Variants in CEP250 observed in about 807,000 individuals in gnomAD.
The protein encoded by CEP250 is centrosomal protein 250.
Under a neutral mutation model 315.7 loss-of-function variants are expected in CEP250, and 242 were observed. The observed-to-expected ratio is 0.77, with a 90% CI of 0.69 to 0.85. The LOEUF is 0.85. CEP250 is among the 40% of genes least tolerant of loss of function. The pLI, the probability that CEP250 is intolerant of heterozygous loss-of-function variation, is 0.00. For synonymous variants in CEP250, 1,088 were observed against 1,175.0 expected (o/e 0.93, Z 1.51); for missense variants, 2,515 against 2,886.4 (o/e 0.87, Z 2.95).
At chr20:35,475,073 A>G (rs1483183173) in intron 14 of CEP250, among the ~76,000 whole-genome samples, 1 of 152,168 alleles carries the variant, frequency 6.6e-6, no homozygotes, top group African/African-American at 2.4e-5. Context: ...ATGTGGTGGC[A>G]TGTGCCTGTA....
rs2146881835 is a variant in CEP250, at chr20:35,479,635, G to A, written c.2289-11G>A. ...TGGGTAAGAAACTCTTCTGATTCCT[G>A]AACCTCACAGCTCAGCCAAGGAGCT... On this transcript the variant is annotated splice_polypyrimidine_tract_variant and intron_variant, in intron 18 of 34. Transcript: ENST00000397527. 1.2e-6 allele frequency: 2 copies of A among 1,613,926 alleles called. No individual in the cohort carries two copies. Among genetic ancestry groups the A allele is most frequent in the East Asian group, 2.2e-5 (1 of 44,884 alleles).
intron 20 of CEP250, among the ~76,000 whole-genome samples, chr20:35,484,805 T>C (rs758955205): frequency 1.6e-4 from 25 of 152,204 alleles, no homozygotes; most frequent in Non-Finnish European, 3.2e-4. Flanking sequence ...GTTACAATTA[T>C]CTAACTTTGC....
rs1171280984 is a variant in CEP250 at position 35,490,765 on chromosome 20, GGAA to G, written c.2722_2724del (p.Glu908del). The G allele has an allele frequency of 8.1e-6, 13 of 1,613,566 alleles. No homozygotes were observed. Among genetic ancestry groups the G allele is most frequent in the East Asian group, 2.2e-5 (1 of 44,886 alleles). Reference sequence around the variant, plus strand: ...AAATGGAGGCCATCCAGGCCCAGAGGGAAGAAGAACGGACCCAGGCAGAGAGTG... The same window carrying G: ...AAATGGAGGCCATCCAGGCCCAGAGGGAAGAACGGACCCAGGCAGAGAGTG... On this transcript the variant is annotated inframe_deletion, in exon 21 of 35. Coordinates refer to ENST00000397527, the MANE Select transcript of CEP250 (RefSeq NM_007186.6).
chr20:35,458,173 C>G lies in CEP250; in HGVS notation c.-297-131C>G, dbSNP rs146372077. On this transcript the variant is annotated intron_variant, in intron 1 of 34. Transcript: ENST00000397527. ...ATCTTAGTCCTTGTAGCATTTATGC[C>G]TCTATTCCAAGTTTAGGTGGTAGTG... 444 of 152,248 alleles carry G rather than the reference C, an allele frequency of 2.9e-3. 1 individual carries two copies. Among genetic ancestry groups the G allele is most frequent in the African/African-American group, 9.9e-3 (411 of 41,536 alleles). The allele number at this position is 152,248 out of a possible 1,614,324, so 9.4% of individuals were successfully genotyped here.
chr20:35,462,174 G>C, intron 3 of CEP250, 91 bp from the exon 4 acceptor site: 1 of 480,770 alleles, frequency 2.1e-6, no homozygotes, highest in South Asian at 3.8e-5. Flanking sequence ...TCAGAGATGA[G>C]GGTCCCTTTT....
At chr20:35,473,808 C>T in intron 13 of CEP250, 62 bp from the exon 14 acceptor site, 1 of 1,461,810 alleles carries the variant, frequency 6.8e-7, no homozygotes, top group South Asian at 1.3e-5. Context: ...CCTGTGATGC[C>T]TGCTTCCAGA....
intron 18 of CEP250, 36 bp from the exon 19 acceptor site, chr20:35,479,610 T>C (rs2063282703): frequency 3.1e-6 from 5 of 1,610,772 alleles, no homozygotes; most frequent in Non-Finnish European, 4.2e-6. Flanking sequence ...AGGGGCTTGA[T>C]GGGTAAGAAA....
intron 1 of CEP250, among the ~76,000 whole-genome samples, chr20:35,456,704 G>C (rs371307654): frequency 1.3e-4 from 20 of 152,194 alleles, no homozygotes; most frequent in African/African-American, 4.3e-4. Flanking sequence ...ATGTAATGGA[G>C]AGAGTGTAGA....
intron 8 of CEP250, 35 bp downstream of exon 8, chr20:35,467,107 C>T (rs2062899699): frequency 2.0e-6 from 3 of 1,489,714 alleles, no homozygotes; most frequent in African/African-American, 2.8e-5. Flanking sequence ...GAGGTTTGCC[C>T]CTACCAATTC....
intron 2 of CEP250, among the ~76,000 whole-genome samples, chr20:35,459,775 C>G (rs2062714592): frequency 1.3e-5 from 2 of 152,030 alleles, no homozygotes; most frequent in African/African-American, 2.4e-5. Flanking sequence ...GATCCTTTCT[C>G]TAAAAATAAT....
chr20:35,514,930 AAAG>A lies in CEP250; in HGVS notation c.*3305_*3307del, dbSNP rs2147259223. 6.6e-6 allele frequency: 1 copy of A among 152,286 alleles called. No individual in the cohort carries two copies. Among genetic ancestry groups the A allele is most frequent in the African/African-American group, 2.4e-5 (1 of 41,550 alleles). The allele number at this position is 152,286 out of a possible 1,614,324, so 9.4% of individuals were successfully genotyped here. A position where few individuals can be genotyped will look rare whatever the true frequency, so the allele number is the denominator to read the frequency against. On this transcript the variant is annotated 3_prime_UTR_variant, in exon 35 of 35. Transcript: ENST00000397527. Reference sequence around the variant, plus strand: ...GAGTTCTGTTGTCCACGTTATTCTTAAAGCCCAGAATAGGCCCTGTTTTATTCT... The same window carrying A: ...GAGTTCTGTTGTCCACGTTATTCTTACCCAGAATAGGCCCTGTTTTATTCT...
At chr20:35,478,296 G>A (rs2063231102) in intron 17 of CEP250, among the ~76,000 whole-genome samples, 195 bp downstream of exon 17, 1 of 152,232 alleles carries the variant, frequency 6.6e-6, no homozygotes. Context: ...GCTGGGCGCA[G>A]TGGCTCATGC....
intron 30 of CEP250, among the ~76,000 whole-genome samples, chr20:35,506,524 G>A (rs79168706): frequency 0.018 from 2,740 of 152,084 alleles, 87 homozygotes; most frequent in African/African-American, 0.063. Flanking sequence ...TCCAAAAGAC[G>A]CCCAGTCCAA....
rs1374603887 is a variant in CEP250 at position 35,504,462 on chromosome 20, C to T, written c.6093C>T (p.Leu2031=). The T allele has an allele frequency of 6.2e-7, 1 of 1,612,900 alleles. No homozygotes were observed. Among genetic ancestry groups the T allele is most frequent in the South Asian group, 1.1e-5 (1 of 90,778 alleles). Residue 2031 remains leucine (L), a synonymous_variant, in exon 30 of 35, where the codon CTC becomes CTT. Transcript: ENST00000397527. ...IQEGEIQDQD[L]RYQEDVQQLQ... Reference sequence around the variant, plus strand: ...AAGGTGAGATCCAGGACCAGGATCTCCGATACCAGGAGGATGTGCAGCAGC... The same window carrying T: ...AAGGTGAGATCCAGGACCAGGATCTTCGATACCAGGAGGATGTGCAGCAGC...
At chr20:35,481,888 C>T (rs375267948) in intron 20 of CEP250, among the ~76,000 whole-genome samples, 7 of 152,004 alleles carry the variant, frequency 4.6e-5, no homozygotes, top group South Asian at 2.1e-4. Flanking sequence ...TTGGTAGAGA[C>T]AGGGTTTCAC....
At chr20:35,459,055 T>C (rs2062697910) in intron 2 of CEP250, among the ~76,000 whole-genome samples, 1 of 135,178 alleles carries the variant, frequency 7.4e-6, no homozygotes. Flanking sequence ...GGTCTCGAAC[T>C]CCTGACCTCA....
chr20:35,462,502 C>A lies in CEP250; in HGVS notation c.135C>A (p.Ser45=), dbSNP rs762170976. 6.2e-7 allele frequency: 1 copy of A among 1,609,792 alleles called. No homozygotes were observed. The highest frequency in any genetic ancestry group is 1.7e-5 in the Admixed American group (1 of 59,476). The change falls in exon 4 of 35, where the codon TCC becomes TCA. Residue 45 remains serine (S), a synonymous_variant. Coordinates refer to ENST00000397527, the MANE Select transcript of CEP250 (RefSeq NM_007186.6). ...QAASWRKLKN[S]QEAQQRQATL... ...CCTCCTGGCGGAAGCTGAAGAACTC[C>A]CAGGAGGCCCAGCAGAGACAAGCAA...
chr20:35,476,922 A>G (rs1364472662), intron 16 of CEP250, among the ~76,000 whole-genome samples: 1 of 152,036 alleles, frequency 6.6e-6, no homozygotes, highest in Non-Finnish European at 1.5e-5. Context: ...GATCTTAGCT[A>G]ACTGCAGTTT....
chr20:35,502,337 G>A (rs561654901), intron 29 of CEP250, 53 bp from the exon 30 acceptor site: 2 of 1,447,780 alleles, frequency 1.4e-6, no homozygotes, highest in Non-Finnish European at 1.9e-6. Flanking sequence ...CGGTGTTGGG[G>A]TGACAGTAGC....
Sources: gnomAD v4.1 joint callset for allele counts (sites outside exome capture counted in the v4.1 genomes callset) on GRCh38, gnomAD v4.1.1 for gene constraint, MANE v1.5 for transcripts, NCBI Gene and HGNC (gene_info 2026-07-23, HGNC 2026-07-21) for gene names.